Variants in FHIT observed in about 807,000 individuals in gnomAD.
FHIT encodes fragile histidine triad diadenosine triphosphatase, also known as bis(5'-adenosyl)-triphosphatase.
Under a neutral mutation model 17.9 loss-of-function variants are expected in FHIT, and 19 were observed. The observed-to-expected ratio is 1.06, with a 90% CI of 0.74 to 1.56. FHIT has a LOEUF of 1.56. Among genes scored for constraint, FHIT ranks in the 40% most tolerant of loss-of-function variants. FHIT has a pLI of 0.00. For synonymous variants in FHIT, 81 were observed against 69.7 expected, an observed-to-expected ratio of 1.16 and a Z score of -0.81; for missense variants, 248 against 189.2, an observed-to-expected ratio of 1.31 and a Z score of -1.82.
chr3:61,114,586 C>T (rs1193598126), intron 2 of FHIT, among the ~76,000 whole-genome samples: 1 of 152,174 alleles, frequency 6.6e-6, no homozygotes, highest in African/African-American at 2.4e-5. Context: ...ATCATTGGTG[C>T]TTATTTTCAT....
intron 8 of FHIT, among the ~76,000 whole-genome samples, chr3:59,813,746 T>C (rs62238289): frequency 0.01 from 1,537 of 152,280 alleles, 9 homozygotes; most frequent in Admixed American, 0.015. Context: ...GGGACCCAAG[T>C]ATGCCTTGCA....
At chr3:60,829,443 C>G (rs954866617) in intron 3 of FHIT, among the ~76,000 whole-genome samples, 5 of 152,190 alleles carry the variant, frequency 3.3e-5, no homozygotes, top group South Asian at 2.1e-4. Context: ...CCAACTTATA[C>G]TACTAAAGAT....
At chr3:60,633,046 T>A (rs2039488549) in intron 4 of FHIT, among the ~76,000 whole-genome samples, 1 of 152,202 alleles carries the variant, frequency 6.6e-6, no homozygotes, top group East Asian at 1.9e-4. Context: ...TGTGGACATT[T>A]TACTTCTTGG....
chr3:60,104,724 A>T (rs1704337301), intron 5 of FHIT, among the ~76,000 whole-genome samples: 1 of 152,144 alleles, frequency 6.6e-6, no homozygotes, highest in African/African-American at 2.4e-5. Flanking sequence ...TCTCTTTAAG[A>T]CAGATAAAAT....
chr3:60,967,035 T>C (rs1443790864), intron 3 of FHIT, among the ~76,000 whole-genome samples: 1 of 152,196 alleles, frequency 6.6e-6, no homozygotes, highest in Non-Finnish European at 1.5e-5. Flanking sequence ...CCTCATGGAA[T>C]AGAGAAATCA....
At chr3:61,040,071 G>C (rs2033434667) in intron 3 of FHIT, among the ~76,000 whole-genome samples, 1 of 152,190 alleles carries the variant, frequency 6.6e-6, no homozygotes, top group South Asian at 2.1e-4. Flanking sequence ...TCTTGAATGA[G>C]AAAGGGCATT....
In FHIT at chr3:60,646,912, T is replaced by C. The variant is rs575810239; in HGVS notation, c.-17-109933A>G. On this transcript the variant is annotated intron_variant, in intron 4 of 9. Transcript: ENST00000492590. ...TGTGGATTACATAACCCAGAGCATA[T>C]AGAGCGAAACTGCAATGCTATCATT... Among the ~76,000 whole-genome samples, 14 of 152,330 alleles carry C rather than the reference T, an allele frequency of 9.2e-5. No homozygotes were observed. In the South Asian group the frequency reaches 1.2e-3, roughly 14 times the overall value.
chr3:61,083,855 A>C (rs1486142532), intron 2 of FHIT, among the ~76,000 whole-genome samples: 1 of 152,132 alleles, frequency 6.6e-6, no homozygotes, highest in Non-Finnish European at 1.5e-5. Flanking sequence ...TTGTTTGTCT[A>C]ATAATATTCC....
intron 5 of FHIT, among the ~76,000 whole-genome samples, chr3:60,302,726 T>A (rs907877895): frequency 1.3e-5 from 2 of 152,200 alleles, no homozygotes; most frequent in Admixed American, 6.5e-5. Flanking sequence ...GATTTGAGAA[T>A]ATTCTGAGGC....
At chr3:60,031,720 A>G (rs551735644) in intron 5 of FHIT, among the ~76,000 whole-genome samples, 1 of 152,284 alleles carries the variant, frequency 6.6e-6, no homozygotes, top group East Asian at 1.9e-4. Context: ...AATTATCAAC[A>G]GGTAATTTGG....
chr3:60,554,846 G>C (rs1010336136), intron 4 of FHIT, among the ~76,000 whole-genome samples: 7 of 152,078 alleles, frequency 4.6e-5, no homozygotes, highest in African/African-American at 1.7e-4. Flanking sequence ...TGAATTGTTG[G>C]CAATATTCAT....
At chr3:60,490,123 G>T (rs141063611) in intron 5 of FHIT, among the ~76,000 whole-genome samples, 1 of 151,898 alleles carries the variant, frequency 6.6e-6, no homozygotes, top group African/African-American at 2.4e-5. Context: ...CTAGCAATTC[G>T]GTAATCACAG....
At chr3:60,784,077 C>G (rs1553726277) in intron 4 of FHIT, among the ~76,000 whole-genome samples, 1 of 152,142 alleles carries the variant, frequency 6.6e-6, no homozygotes, top group African/African-American at 2.4e-5. Context: ...TATGAATGTC[C>G]TCTGCTCATC....
At chr3:59,802,010 C>T (rs191732269) in intron 8 of FHIT, among the ~76,000 whole-genome samples, 10 of 152,362 alleles carry the variant, frequency 6.6e-5, no homozygotes, top group East Asian at 5.8e-4. Context: ...AATACTCCCC[C>T]TTCCACAAAG....
At chr3:60,392,315 G>C (rs959453057) in intron 5 of FHIT, among the ~76,000 whole-genome samples, 2 of 152,160 alleles carry the variant, frequency 1.3e-5, no homozygotes, top group African/African-American at 4.8e-5. Flanking sequence ...AGTCGCTGAT[G>C]CTTTACAAGA....
At chr3:59,959,854 A>G (rs1324898884) in intron 7 of FHIT, among the ~76,000 whole-genome samples, 1 of 152,206 alleles carries the variant, frequency 6.6e-6, no homozygotes, top group Non-Finnish European at 1.5e-5. Flanking sequence ...GAGACCTGAG[A>G]GCTGAACTGA....
intron 2 of FHIT, among the ~76,000 whole-genome samples, chr3:61,103,749 G>A (rs961046303): frequency 3.9e-5 from 6 of 152,236 alleles, no homozygotes; most frequent in East Asian, 1.9e-4. Context: ...TGTATTGGGT[G>A]CATATATATT....
At chr3:59,792,115 A>T (rs1699590095) in intron 8 of FHIT, among the ~76,000 whole-genome samples, 1 of 149,888 alleles carries the variant, frequency 6.7e-6, no homozygotes, top group Admixed American at 6.6e-5. Context: ...GTCAAATGGA[A>T]TGACTAATCC....
chr3:60,516,649 T>C (rs1466846991), intron 5 of FHIT, among the ~76,000 whole-genome samples: 1 of 152,174 alleles, frequency 6.6e-6, no homozygotes, highest in Non-Finnish European at 1.5e-5. Context: ...ACCCACCTGA[T>C]AGGTTTGCTC....
Sources: allele counts gnomAD v4.1 joint callset (sites outside exome capture counted in the v4.1 genomes callset), GRCh38; gene constraint gnomAD v4.1.1; transcripts MANE v1.5; gene names NCBI Gene and HGNC (gene_info 2026-07-23, HGNC 2026-07-21).